Variants in DMTF1 observed in about 807,000 individuals in gnomAD.
DMTF1 encodes the protein cyclin D binding myb like transcription factor 1, also known as cyclin-D-binding Myb-like transcription factor 1.
Under a neutral mutation model 91.1 loss-of-function variants are expected in DMTF1, and 39 were observed. That is an observed-to-expected ratio of 0.43 (90% CI 0.33 to 0.56). The LOEUF (loss-of-function observed/expected upper bound fraction) is 0.56. DMTF1 is among the 20% of genes least tolerant of loss of function. The pLI, the probability that DMTF1 is intolerant of heterozygous loss-of-function variation, is 0.05. For synonymous variants in DMTF1, 338 were observed against 309.5 expected, an observed-to-expected ratio of 1.09 and a Z score of -0.97; for missense variants, 750 against 914.5, an observed-to-expected ratio of 0.82 and a Z score of 2.32.
intron 3 of DMTF1, 152 bp downstream of exon 3, chr7:87,165,202 T>C: frequency 2.1e-6 from 1 of 477,648 alleles, no homozygotes; most frequent in Non-Finnish European, 3.7e-6. Flanking sequence ...TAAATGTTAG[T>C]TTTTGTCAAT....
chr7:87,181,849 T>G (rs969346372), intron 9 of DMTF1, among the ~76,000 whole-genome samples: 3 of 152,206 alleles, frequency 2.0e-5, no homozygotes, highest in African/African-American at 7.2e-5. Context: ...AGATTCTGTT[T>G]ATAATGATAA....
chr7:87,195,096 T>C lies in DMTF1; in HGVS notation c.2239T>C (p.Ser747Pro). The C allele has an allele frequency of 1.2e-6, 2 of 1,612,376 alleles. No homozygotes were observed. The highest frequency in any genetic ancestry group is 1.7e-6 in the Non-Finnish European group (2 of 1,178,932). The change falls in exon 18 of 18, where the codon TCA (serine) becomes CCA (proline). Residue 747 changes from serine to proline, a missense_variant. Ser to Pro is a moderately conservative substitution (Grantham distance 74, BLOSUM62 -1). Around this residue, in one of 3 missense-constraint regions of DMTF1, gnomAD observed 410 missense variants for 420.2 expected, o/e 0.98. Transcript: ENST00000331242. Reference protein sequence around the residue: ...IIGSSLGSPVSEDSKDVEDLV... With the variant: ...IIGSSLGSPVPEDSKDVEDLV... Reference sequence around the variant, plus strand: ...TGGATCATCCTTGGGCAGTCCTGTTTCAGAAGATTCAAAGGATGTCGAAGA... The same window carrying C: ...TGGATCATCCTTGGGCAGTCCTGTTCCAGAAGATTCAAAGGATGTCGAAGA...
intron 13 of DMTF1, among the ~76,000 whole-genome samples, chr7:87,189,549 T>C (rs553225068): frequency 1.3e-5 from 2 of 152,220 alleles, no homozygotes; most frequent in Admixed American, 1.3e-4. Context: ...TTAATATTGA[T>C]AGCATCATTT....
At chr7:87,191,698 T>C (rs980957499) in intron 14 of DMTF1, among the ~76,000 whole-genome samples, 6 of 152,134 alleles carry the variant, frequency 3.9e-5, no homozygotes, top group Non-Finnish European at 5.9e-5. Flanking sequence ...CACATAGTAC[T>C]GGGCTCCCAT....
At chr7:87,159,307 A>G (rs1009434453) in intron 1 of DMTF1, among the ~76,000 whole-genome samples, 1 of 152,182 alleles carries the variant, frequency 6.6e-6, no homozygotes, top group South Asian at 2.1e-4. Flanking sequence ...TCTGTAAGCC[A>G]CTCTCCACTG....
chr7:87,181,165 A>G, intron 8 of DMTF1, 144 bp from the exon 9 acceptor site: 1 of 499,162 alleles, frequency 2.0e-6, no homozygotes, highest in Non-Finnish European at 3.8e-6. Flanking sequence ...ACTTTTATTA[A>G]TCCACTTTAA....
chr7:87,158,511 C>G (rs906140875), intron 1 of DMTF1, among the ~76,000 whole-genome samples: 1 of 152,086 alleles, frequency 6.6e-6, no homozygotes, highest in African/African-American at 2.4e-5. Context: ...AAAATTTATT[C>G]TTGAGTCATC....
At chr7:87,164,028 CT>C (rs1424403828) in intron 2 of DMTF1, among the ~76,000 whole-genome samples, 11 of 136,678 alleles carry the variant, frequency 8.0e-5, no homozygotes, top group Non-Finnish European at 1.7e-4. Flanking sequence ...GCACTCCAGC[CT>C]GGGCAACAAT....
rs1217170566 is a variant in DMTF1 at position 87,190,973 on chromosome 7, C to T, written c.1440C>T (p.Asp480=). 6.2e-7 allele frequency: 1 copy of T among 1,610,976 alleles called. No individual in the cohort carries two copies. Among genetic ancestry groups the T allele is most frequent in the Admixed American group, 1.7e-5 (1 of 59,720 alleles). ...CAGCAGACTCTCCTGCTACCGTTGA[C>T]TCAGAAACAATAACACTAAACAGTG... The part of the protein sequence containing the change: ...VSSADSPATV[D]SETITLNSGT... The change falls in exon 14 of 18, where the codon GAC becomes GAT. Residue 480 remains aspartate (D), a synonymous_variant. Transcript: ENST00000331242.
intron 13 of DMTF1, among the ~76,000 whole-genome samples, chr7:87,190,071 CTATAGG>C (rs971300869): frequency 4.6e-5 from 7 of 151,886 alleles, no homozygotes; most frequent in Admixed American, 2.6e-4. Flanking sequence ...CATAATTTAC[CTATAGG>C]TATGACTGCA....
At chr7:87,170,381 T>C (rs1794794132) in intron 4 of DMTF1, among the ~76,000 whole-genome samples, 1 of 152,210 alleles carries the variant, frequency 6.6e-6, no homozygotes, top group East Asian at 1.9e-4. Context: ...TCCAGTCGTT[T>C]CCCACCTAAG....
intron 5 of DMTF1, 64 bp from the exon 6 acceptor site, chr7:87,173,471 T>C: frequency 9.6e-7 from 1 of 1,038,292 alleles, no homozygotes; most frequent in Non-Finnish European, 1.4e-6. Flanking sequence ...GGTTGAGCAT[T>C]AAATCAAGCT....
At chr7:87,165,839 ACTT>A (rs1427184238) in intron 3 of DMTF1, among the ~76,000 whole-genome samples, 2 of 152,130 alleles carry the variant, frequency 1.3e-5, no homozygotes, top group African/African-American at 4.8e-5. Context: ...TCATTTGAAG[ACTT>A]CTTGATAGTA....
intron 1 of DMTF1, among the ~76,000 whole-genome samples, chr7:87,162,147 G>T (rs1166477692): frequency 1.3e-5 from 2 of 152,236 alleles, no homozygotes; most frequent in South Asian, 2.1e-4. Flanking sequence ...CTCTCACCCA[G>T]ACTGCGGCCT....
At chr7:87,178,976 T>C (rs1796818842) in intron 7 of DMTF1, among the ~76,000 whole-genome samples, 1 of 152,010 alleles carries the variant, frequency 6.6e-6, no homozygotes. Context: ...TAAGTTGATG[T>C]TTGATGTCTT....
chr7:87,185,785 A>G (rs1475593226), intron 11 of DMTF1, 44 bp from the exon 12 acceptor site: 1 of 1,609,068 alleles, frequency 6.2e-7, no homozygotes, highest in Admixed American at 1.7e-5. Flanking sequence ...GTTCTTATAG[A>G]GAAATTAATT....
At chr7:87,181,851 T>C (rs55665320) in intron 9 of DMTF1, among the ~76,000 whole-genome samples, 3,963 of 152,306 alleles carry the variant, frequency 0.026, 80 homozygotes, top group East Asian at 0.065. Context: ...ATTCTGTTTA[T>C]AATGATAAAG....
intron 1 of DMTF1, among the ~76,000 whole-genome samples, chr7:87,158,573 G>T (rs1272917883): frequency 3.3e-5 from 5 of 151,950 alleles, no homozygotes; most frequent in African/African-American, 7.2e-5. Flanking sequence ...CATAATTCTT[G>T]ATGCAGAACA....
At position 87,191,038 on chromosome 7, in the gene DMTF1, C is replaced by T; in HGVS notation, c.1494+11C>T. ...TTTGAGATTCTTCCCGTGAGTAACGCTTCATATATATTGGCCATTTTTATG... is the reference window on the plus strand; with the variant it reads ...TTTGAGATTCTTCCCGTGAGTAACGTTTCATATATATTGGCCATTTTTATG... On this transcript the variant is annotated intron_variant, in intron 14 of 17. Transcript: ENST00000331242. The T allele has an allele frequency of 6.5e-7, 1 of 1,533,656 alleles. No homozygotes were observed. Among genetic ancestry groups the T allele is most frequent in the Non-Finnish European group, 9.0e-7 (1 of 1,114,798 alleles).
Sources: allele counts gnomAD v4.1 joint callset (sites outside exome capture counted in the v4.1 genomes callset), GRCh38; gene constraint gnomAD v4.1.1; regional missense constraint gnomAD v4.1.1; transcripts MANE v1.5; gene names NCBI Gene and HGNC (gene_info 2026-07-23, HGNC 2026-07-21).